VPS13D: variants seen among roughly 807,000 people sequenced by gnomAD.
VPS13D encodes the protein intermembrane lipid transfer protein VPS13D.
Under a neutral mutation model 461.9 loss-of-function variants are expected in VPS13D, and 187 were observed. That is an observed-to-expected ratio of 0.40 (90% CI 0.36 to 0.46). VPS13D has a LOEUF of 0.46. Ranked by LOEUF, VPS13D falls within the 20% of genes least tolerant of loss-of-function variation. The probability of loss-of-function intolerance (pLI) is 0.60; values close to 1 mark genes in which losing one functional copy is unlikely to be tolerated. For missense variants in VPS13D, 4,711 were observed against 5,364.9 expected, an observed-to-expected ratio of 0.88 and a Z score of 3.81; for synonymous variants, 1,951 against 1,986.3, an observed-to-expected ratio of 0.98 and a Z score of 0.47.
intron 65 of VPS13D, among the ~76,000 whole-genome samples, chr1:12,423,365 A>C (rs187651683): frequency 1.3e-5 from 2 of 152,314 alleles, no homozygotes; most frequent in Admixed American, 6.5e-5. Context: ...TATTCTAGAC[A>C]TGCCTCTATG....
chr1:12,438,910 T>G (rs1280428161), intron 65 of VPS13D, among the ~76,000 whole-genome samples: 1 of 152,224 alleles, frequency 6.6e-6, no homozygotes, highest in African/African-American at 2.4e-5. Flanking sequence ...GAGTCATCCT[T>G]GGCTCCTTTC....
chr1:12,335,596 G>T (rs1177405753), intron 38 of VPS13D, 109 bp from the exon 39 acceptor site: 10 of 1,384,240 alleles, frequency 7.2e-6, no homozygotes, highest in African/African-American at 5.8e-5. Context: ...CACAGGCCAG[G>T]CATGTAATGA....
intron 54 of VPS13D, among the ~76,000 whole-genome samples, chr1:12,373,118 TTTTTG>T: frequency 7.0e-6 from 1 of 142,138 alleles, no homozygotes; most frequent in African/African-American, 2.6e-5. Flanking sequence ...TTTTTTTTTT[TTTTTG>T]CTTTTTTTGG....
Position 12,244,042 on chromosome 1 carries a change from T to C in VPS13D, c.176-204T>C, listed in dbSNP as rs72864954. On this transcript the variant is annotated intron_variant, in intron 3 of 69. Transcript: ENST00000620676. ...GTCTTCGCGAACTTTTTCCAGCTTA[T>C]ATAAGTCATTATACCTTATTCTTAC... 4.1e-3 allele frequency among the ~76,000 whole-genome samples: 624 copies of C among 152,312 alleles called. 4 individuals carry two copies. Among genetic ancestry groups the C allele is most frequent in the African/African-American group, 0.014 (587 of 41,566 alleles).
intron 65 of VPS13D, among the ~76,000 whole-genome samples, chr1:12,427,820 T>C (rs906821759): frequency 2.0e-5 from 3 of 152,180 alleles, no homozygotes; most frequent in African/African-American, 7.2e-5. Context: ...ATATTATAGT[T>C]GGGTTTTCCA....
At chr1:12,358,705 A>T in intron 50 of VPS13D, 104 bp downstream of exon 50, 1 of 1,415,952 alleles carries the variant, frequency 7.1e-7, no homozygotes, top group Non-Finnish European at 9.5e-7. Context: ...ACAAGTACTG[A>T]TTTTCTTATT....
intron 29 of VPS13D, among the ~76,000 whole-genome samples, chr1:12,313,484 A>G (rs981966684): frequency 6.6e-6 from 1 of 151,578 alleles, no homozygotes; most frequent in African/African-American, 2.4e-5. Context: ...ATTTTCTGTG[A>G]TGATTGGCTG....
At chr1:12,356,666 A>C in intron 49 of VPS13D, 142 bp downstream of exon 49, 2 of 1,117,468 alleles carry the variant, frequency 1.8e-6, no homozygotes, top group Non-Finnish European at 2.4e-6. Context: ...CCATGACCTA[A>C]TGGGATTTTT....
chr1:12,442,508 G>A (rs532050096), intron 65 of VPS13D, among the ~76,000 whole-genome samples: 1 of 151,218 alleles, frequency 6.6e-6, no homozygotes, highest in South Asian at 2.1e-4. Flanking sequence ...GAATATACAA[G>A]TTATTATAAT....
At position 12,266,733 on chromosome 1, in the gene VPS13D, T is replaced by A. The variant is rs1216943770; in HGVS notation, c.1595-148T>A. 3 of 756,016 alleles carry A rather than the reference T, an allele frequency of 4.0e-6. No individual in the cohort carries two copies. The African/African-American group carries it at 5.3e-5, about 13-fold the overall frequency. 46.8% of individuals were successfully genotyped at this position (756,016 alleles called of 1,614,324 possible). A position where few individuals can be genotyped will look rare whatever the true frequency, so the allele number is the denominator to read the frequency against. On this transcript the variant is annotated intron_variant, in intron 13 of 69. Coordinates refer to ENST00000620676, the MANE Select transcript of VPS13D (RefSeq NM_015378.4). The stretch of plus-strand genomic sequence containing the variant: ...AATATCTCCAATATGTGCCTGTAGA[T>A]AGATAGGGTTTTTTTGTTTGTTTGT...
chr1:12,406,370 T>C (rs1644655099), intron 63 of VPS13D, among the ~76,000 whole-genome samples: 1 of 152,188 alleles, frequency 6.6e-6, no homozygotes, highest in South Asian at 2.1e-4. Context: ...AAGTGTGTGC[T>C]TAGAAAATGG....
chr1:12,335,981 G>A (rs1225087931), intron 39 of VPS13D, 154 bp downstream of exon 39: 2 of 1,151,390 alleles, frequency 1.7e-6, no homozygotes, highest in Non-Finnish European at 2.4e-6. Context: ...CTTTGCAGGA[G>A]ACAGTTTTCT....
At chr1:12,379,870 G>A (rs1644249559) in intron 57 of VPS13D, among the ~76,000 whole-genome samples, 2 of 151,602 alleles carry the variant, frequency 1.3e-5, no homozygotes, top group South Asian at 4.2e-4. Context: ...CCGGGTTCAC[G>A]CCATTCTCCT....
Position 12,341,834 on chromosome 1 carries a change from A to G in VPS13D, c.8681A>G (p.Asn2894Ser). ...RQPFVPFALRNHTGCTLWFAT... is the reference protein window; with the variant it reads ...RQPFVPFALRSHTGCTLWFAT... ...CCATTTGTCCCCTTTGCTCTGAGGAACCACACGGGGTGCACTTTGTGGTTT... is the reference window on the plus strand; with the variant it reads ...CCATTTGTCCCCTTTGCTCTGAGGAGCCACACGGGGTGCACTTTGTGGTTT... The change falls in exon 41 of 70, where the codon AAC becomes AGC. Residue 2894 changes from asparagine (N) to serine (S), a missense_variant. By Grantham distance (46) the Asn-to-Ser change is conservative. Transcript: ENST00000620676. 6.2e-7 allele frequency: 1 copy of G among 1,614,018 alleles called. No homozygotes were observed. The highest frequency in any genetic ancestry group is 8.5e-7 in the Non-Finnish European group (1 of 1,179,978).
intron 65 of VPS13D, among the ~76,000 whole-genome samples, chr1:12,419,547 AG>A (rs548320090): frequency 9.5e-4 from 144 of 152,280 alleles, no homozygotes; most frequent in African/African-American, 3.3e-3. Context: ...AAGGTGAAGC[AG>A]GTGTCTCACA....
chr1:12,509,356 G>A lies in VPS13D; in HGVS notation c.*332G>A. ...ACAACAGTGTGTTTGTAAATATATA[G>A]GAACGTTTCTGAACAGGGTCTGTGC... On this transcript the variant is annotated 3_prime_UTR_variant, in exon 70 of 70. Transcript: ENST00000620676. 1 of 213,156 alleles carries A rather than the reference G, an allele frequency of 4.7e-6. No individual in the cohort carries two copies. Among genetic ancestry groups the A allele is most frequent in the South Asian group, 1.2e-4 (1 of 8,422 alleles). The allele number at this position is 213,156 out of a possible 1,614,324, so 13.2% of individuals were successfully genotyped here. A position where few individuals can be genotyped will look rare whatever the true frequency, so the allele number is the denominator to read the frequency against.
chr1:12,478,950 G>A, intron 67 of VPS13D: 1 of 453,182 alleles, frequency 2.2e-6, no homozygotes, highest in South Asian at 1.6e-5. Flanking sequence ...CACCTCGAAA[G>A]CTGTTAATAG....
chr1:12,459,482 C>CTTTTTTTTTTTTTT (rs869264869), intron 66 of VPS13D, among the ~76,000 whole-genome samples: 2 of 131,358 alleles, frequency 1.5e-5, no homozygotes, highest in Non-Finnish European at 1.6e-5. Flanking sequence ...CTTTTCTTTT[C>CTTTTTTTTTTTTTT]TTTTTTTTTT....
intron 68 of VPS13D, chr1:12,499,512 T>C (rs1646006821): frequency 2.0e-6 from 2 of 985,280 alleles, no homozygotes; most frequent in African/African-American, 3.5e-5. Flanking sequence ...AACATAGGAC[T>C]GCTCCCAGTG....
Sources: gnomAD v4.1 joint callset for allele counts (sites outside exome capture counted in the v4.1 genomes callset) on GRCh38, gnomAD v4.1.1 for gene constraint, MANE v1.5 for transcripts, NCBI Gene and HGNC (gene_info 2026-07-23, HGNC 2026-07-21) for gene names.